LRFN5: variants seen among roughly 807,000 people sequenced by gnomAD.
LRFN5 encodes the protein leucine-rich repeat and fibronectin type-III domain-containing protein 5.
Under a neutral mutation model 45.6 loss-of-function variants are expected in LRFN5, and 24 were observed. The observed-to-expected ratio is 0.53, with a 90% CI of 0.38 to 0.74. LRFN5 has a LOEUF of 0.74. Ranked by LOEUF, LRFN5 falls within the 30% of genes least tolerant of loss-of-function variation. LRFN5 has a pLI of 0.00. For synonymous variants in LRFN5, 340 were observed against 313.8 expected (o/e 1.08, Z -0.88); for missense variants, 776 against 861.5 (o/e 0.90, Z 1.24).
At chr14:41,696,398 A>C (rs1298377237) in intron 1 of LRFN5, among the ~76,000 whole-genome samples, 1 of 151,938 alleles carries the variant, frequency 6.6e-6, no homozygotes, top group Non-Finnish European at 1.5e-5. Context: ...TTCTGTTGGT[A>C]AAATTTTATT....
At chr14:41,812,461 C>T (rs1180413221) in intron 2 of LRFN5, among the ~76,000 whole-genome samples, 1 of 151,808 alleles carries the variant, frequency 6.6e-6, no homozygotes, top group Non-Finnish European at 1.5e-5. Flanking sequence ...TTAGTACCTT[C>T]TGGGGGTACT....
Position 41,861,704 on chromosome 14 carries a change from A to C in LRFN5, c.-20-24902A>C, listed in dbSNP as rs187288311. The stretch of plus-strand genomic sequence containing the variant: ...GGCTGCAATAGCTCTCATGTGAGAT[A>C]CGTTAATTTTAAAGGTTTTATTGAA... On this transcript the variant is annotated intron_variant, in intron 2 of 5. Transcript: ENST00000298119. 5.7e-3 allele frequency among the ~76,000 whole-genome samples: 875 copies of C among 152,306 alleles called. 12 individuals carry two copies. Among genetic ancestry groups the C allele is most frequent in the African/African-American group, 0.02 (837 of 41,570 alleles).
intron 1 of LRFN5, among the ~76,000 whole-genome samples, chr14:41,740,987 A>G (rs1180102999): frequency 1.3e-5 from 2 of 151,902 alleles, no homozygotes; most frequent in Non-Finnish European, 2.9e-5. Context: ...GCATCCAAAA[A>G]TAAAATTAAA....
At chr14:41,862,213 A>T (rs1889689601) in intron 2 of LRFN5, among the ~76,000 whole-genome samples, 1 of 152,222 alleles carries the variant, frequency 6.6e-6, no homozygotes, top group Non-Finnish European at 1.5e-5. Flanking sequence ...ATGGACTAAT[A>T]CACTCATGTT....
intron 1 of LRFN5, among the ~76,000 whole-genome samples, chr14:41,662,761 C>A (rs1051666499): frequency 2.6e-5 from 4 of 152,030 alleles, no homozygotes; most frequent in Non-Finnish European, 5.9e-5. Flanking sequence ...TCAGGGAGTG[C>A]TGACAACTGC....
At chr14:41,678,089 G>GAA (rs1881717261) in intron 1 of LRFN5, among the ~76,000 whole-genome samples, 1 of 151,902 alleles carries the variant, frequency 6.6e-6, no homozygotes, top group African/African-American at 2.4e-5. Context: ...GGTGAAAAGA[G>GAA]AAAGGATGGA....
intron 2 of LRFN5, among the ~76,000 whole-genome samples, chr14:41,810,722 A>C (rs1028517949): frequency 1.3e-5 from 2 of 152,094 alleles, no homozygotes; most frequent in Non-Finnish European, 2.9e-5. Context: ...GAAAGTAAGA[A>C]TATTTCATCC....
intron 2 of LRFN5, among the ~76,000 whole-genome samples, chr14:41,831,827 C>T (rs1270770400): frequency 6.6e-6 from 1 of 152,032 alleles, no homozygotes; most frequent in Admixed American, 6.6e-5. Flanking sequence ...TAGGTGACTT[C>T]AACAATATGC....
At chr14:41,659,190 T>C (rs989051645) in intron 1 of LRFN5, among the ~76,000 whole-genome samples, 26 of 152,054 alleles carry the variant, frequency 1.7e-4, no homozygotes, top group Non-Finnish European at 4.4e-5. Flanking sequence ...CTCATAATGC[T>C]ATCCCTCCCC....
intron 1 of LRFN5, among the ~76,000 whole-genome samples, chr14:41,754,462 A>G (rs537237417): frequency 7.9e-5 from 12 of 152,204 alleles, no homozygotes; most frequent in Middle Eastern, 3.4e-3. Context: ...TGGTCTATTC[A>G]GAGATTCAAC....
chr14:41,665,147 A>G (rs1026797145), intron 1 of LRFN5, among the ~76,000 whole-genome samples: 5 of 151,820 alleles, frequency 3.3e-5, no homozygotes, highest in African/African-American at 7.3e-5. Flanking sequence ...TGTTTTTAGA[A>G]AAAAAAATGG....
chr14:41,805,593 C>T (rs1034629109), intron 2 of LRFN5, among the ~76,000 whole-genome samples: 36 of 148,030 alleles, frequency 2.4e-4, no homozygotes, highest in Admixed American at 7.0e-5. Flanking sequence ...TGTGATGTTC[C>T]CCTTCCTGTG....
rs764767582 is a variant in LRFN5 at position 41,887,501 on chromosome 14, T to C, written c.876T>C (p.His292=). 5 of 1,614,086 alleles carry C rather than the reference T, an allele frequency of 3.1e-6. No individual in the cohort carries two copies. Among genetic ancestry groups the C allele is most frequent in the African/African-American group, 1.3e-5 (1 of 74,938 alleles). ...GTGAGCCTCCTCTCATTACTCGTCA[T>C]ACACATGAGATGAGAGTCCTGGAGG... is the stretch of plus-strand genomic sequence containing the variant. The part of the protein sequence containing the change: ...FLCEPPLITR[H]THEMRVLEGQ... Residue 292 remains histidine (H), a synonymous_variant, in exon 3 of 6, where the codon CAT becomes CAC. Transcript: ENST00000298119. The surrounding 1 kb of genome is among the most constrained non-coding windows in gnomAD (Gnocchi z 4.8).
In LRFN5 at chr14:41,857,026, C is replaced by T. The variant is rs1199954914; in HGVS notation, c.-20-29580C>T. On this transcript the variant is annotated intron_variant, in intron 2 of 5. Transcript: ENST00000298119. ...TATGCATAAAGTCCTTATCTAAGAA[C>T]CTTTTAAGTGTTGTTTTATTTTCAC... 5.3e-5 allele frequency among the ~76,000 whole-genome samples: 8 copies of T among 151,918 alleles called. No individual in the cohort carries two copies. In the East Asian group the frequency reaches 1.4e-3, roughly 26 times the overall value.
intron 2 of LRFN5, among the ~76,000 whole-genome samples, chr14:41,825,091 T>C (rs1312581976): frequency 6.6e-6 from 1 of 152,176 alleles, no homozygotes; most frequent in African/African-American, 2.4e-5. Context: ...AACAGATAGC[T>C]CTGCAGCTCA....
chr14:41,732,223 T>C (rs1460725345), intron 1 of LRFN5, among the ~76,000 whole-genome samples: 1 of 152,096 alleles, frequency 6.6e-6, no homozygotes, highest in Admixed American at 6.6e-5. Context: ...TGTGCAAAAA[T>C]GACTCTCAAA....
chr14:41,886,423 G>A (rs532797522), intron 2 of LRFN5, among the ~76,000 whole-genome samples, 183 bp from the exon 3 acceptor site: 3 of 152,152 alleles, frequency 2.0e-5, no homozygotes, highest in South Asian at 4.2e-4. Flanking sequence ...ACTATCAATG[G>A]TATGTTATTC....
At chr14:41,813,826 C>G (rs933157764) in intron 2 of LRFN5, among the ~76,000 whole-genome samples, 3 of 152,138 alleles carry the variant, frequency 2.0e-5, no homozygotes, top group African/African-American at 7.2e-5. Context: ...AAAAGCATTC[C>G]TATTTCTCCA....
intron 2 of LRFN5, among the ~76,000 whole-genome samples, chr14:41,856,239 T>C (rs927028059): frequency 2.6e-5 from 4 of 152,218 alleles, no homozygotes; most frequent in Non-Finnish European, 5.9e-5. Flanking sequence ...AAGGGAATCA[T>C]CTTCTATAAA....
Sources: gnomAD v4.1 joint callset for allele counts (sites outside exome capture counted in the v4.1 genomes callset) on GRCh38, gnomAD v4.1.1 for gene constraint, Gnocchi (gnomAD v3.1) non-coding constraint, MANE v1.5 for transcripts, NCBI Gene and HGNC (gene_info 2026-07-23, HGNC 2026-07-21) for gene names.